ADAMTS19: variants seen among roughly 807,000 people sequenced by gnomAD.
ADAMTS19 encodes the protein A disintegrin and metalloproteinase with thrombospondin motifs 19.
Under a neutral mutation model 153.3 loss-of-function variants are expected in ADAMTS19, and 93 were observed. The observed-to-expected ratio is 0.61, with a 90% CI of 0.51 to 0.72. The LOEUF (loss-of-function observed/expected upper bound fraction) is 0.72, where lower values mean the gene tolerates loss of function less well. Ranked by LOEUF, ADAMTS19 falls within the 30% of genes least tolerant of loss-of-function variation. The probability of loss-of-function intolerance (pLI) is 0.00; values close to 1 mark genes in which losing one functional copy is unlikely to be tolerated. For synonymous variants in ADAMTS19, 600 were observed against 556.6 expected (o/e 1.08, Z -1.10); for missense variants, 1,482 against 1,552.1 (o/e 0.95, Z 0.76).
chr5:129,666,701 A>G (rs1365367209), intron 16 of ADAMTS19, among the ~76,000 whole-genome samples: 2 of 152,212 alleles, frequency 1.3e-5, no homozygotes, highest in African/African-American at 4.8e-5. Flanking sequence ...TATTTAATCT[A>G]TTTTACTTAC....
chr5:129,605,508 G>T (rs1750849487), intron 8 of ADAMTS19, among the ~76,000 whole-genome samples: 1 of 152,224 alleles, frequency 6.6e-6, no homozygotes, highest in Admixed American at 6.5e-5. Flanking sequence ...TCAGGGTTCA[G>T]TGAGGCCTTT....
At chr5:129,563,515 G>A (rs902540421) in intron 7 of ADAMTS19, among the ~76,000 whole-genome samples, 12 of 152,200 alleles carry the variant, frequency 7.9e-5, no homozygotes, top group Admixed American at 6.5e-4. Flanking sequence ...CCAATATCAA[G>A]CTCTATGATG....
intron 2 of ADAMTS19, among the ~76,000 whole-genome samples, chr5:129,467,099 T>G (rs1215971283): frequency 6.6e-6 from 1 of 152,226 alleles, no homozygotes; most frequent in African/African-American, 2.4e-5. Context: ...AATTATACAA[T>G]TACAGAATGT....
intron 13 of ADAMTS19, among the ~76,000 whole-genome samples, chr5:129,651,313 T>C (rs1753305108): frequency 6.6e-6 from 1 of 152,216 alleles, no homozygotes; most frequent in South Asian, 2.1e-4. Context: ...CTCATGATCA[T>C]AACCCTTCCT....
chr5:129,718,180 T>C (rs1015798033), intron 21 of ADAMTS19, among the ~76,000 whole-genome samples: 1 of 152,164 alleles, frequency 6.6e-6, no homozygotes, highest in Admixed American at 6.5e-5. Flanking sequence ...CACTTTGATT[T>C]AAAACACATT....
At chr5:129,588,748 T>C (rs1000262224) in intron 7 of ADAMTS19, among the ~76,000 whole-genome samples, 1 of 151,802 alleles carries the variant, frequency 6.6e-6, no homozygotes, top group Non-Finnish European at 1.5e-5. Context: ...ATTTGGTGAT[T>C]CTTTGTTGTT....
chr5:129,589,569 T>C (rs995751103), intron 7 of ADAMTS19, among the ~76,000 whole-genome samples: 2 of 152,074 alleles, frequency 1.3e-5, no homozygotes, highest in African/African-American at 2.4e-5. Context: ...ACACCAATAA[T>C]TGTATATGAA....
At chr5:129,595,235 A>G (rs2126917323) in intron 7 of ADAMTS19, among the ~76,000 whole-genome samples, 1 of 152,076 alleles carries the variant, frequency 6.6e-6, no homozygotes, top group Non-Finnish European at 1.5e-5. Flanking sequence ...GCTAATCTCC[A>G]TTTTCAACCC....
At chr5:129,546,401 AAAAG>A (rs1289088958) in intron 6 of ADAMTS19, among the ~76,000 whole-genome samples, 1 of 151,000 alleles carries the variant, frequency 6.6e-6, no homozygotes, top group Non-Finnish European at 1.5e-5. Flanking sequence ...AAAATTAAAA[AAAAG>A]AGAAGATAAA....
intron 21 of ADAMTS19, among the ~76,000 whole-genome samples, chr5:129,721,594 T>A (rs188111298): frequency 1.2e-4 from 18 of 152,122 alleles, no homozygotes; most frequent in African/African-American, 4.1e-4. Flanking sequence ...GGTCTTTTTT[T>A]TTTATTTATT....
intron 2 of ADAMTS19, among the ~76,000 whole-genome samples, chr5:129,471,428 G>T: frequency 7.2e-6 from 1 of 139,420 alleles, no homozygotes; most frequent in African/African-American, 3.0e-5. Context: ...GGGAGGAAAA[G>T]AAAGGAAGGA....
intron 7 of ADAMTS19, among the ~76,000 whole-genome samples, chr5:129,555,810 T>G (rs1753292338): frequency 6.6e-6 from 1 of 152,260 alleles, no homozygotes; most frequent in Non-Finnish European, 1.5e-5. Context: ...ATACAATAGA[T>G]AAAAATACAA....
chr5:129,623,984 G>A (rs1371461015), intron 10 of ADAMTS19, among the ~76,000 whole-genome samples: 3 of 151,530 alleles, frequency 2.0e-5, no homozygotes, highest in Non-Finnish European at 4.4e-5. Context: ...AAAATTAGCT[G>A]GGCATGGTGG....
chr5:129,606,189 C>T (rs189797545), intron 8 of ADAMTS19, among the ~76,000 whole-genome samples: 12 of 152,254 alleles, frequency 7.9e-5, no homozygotes, highest in East Asian at 1.9e-4. Context: ...AGAATACAGA[C>T]GTCTTGTGAC....
chr5:129,528,506 C>G lies in ADAMTS19; in HGVS notation c.1171-14C>G, dbSNP rs577379260. ...AGAATAATATGCCTTGTGATGAGCT[C>G]TGTTCTTTTGCAGCCAGAACTATAT... is the stretch of plus-strand genomic sequence containing the variant. On this transcript the variant is annotated splice_polypyrimidine_tract_variant and intron_variant, in intron 5 of 22. Coordinates refer to ENST00000274487, the MANE Select transcript of ADAMTS19 (RefSeq NM_133638.6). 39 of 1,559,882 alleles carry G rather than the reference C, an allele frequency of 2.5e-5. No homozygotes were observed. In the African/African-American group the frequency reaches 4.3e-4, roughly 17 times the overall value.
chr5:129,474,227 C>G (rs1750153826), intron 2 of ADAMTS19, among the ~76,000 whole-genome samples: 1 of 152,096 alleles, frequency 6.6e-6, no homozygotes, highest in South Asian at 2.1e-4. Flanking sequence ...TAGCACGTAT[C>G]AGTAGTTCAT....
chr5:129,530,093 C>T (rs1044080228), intron 6 of ADAMTS19, among the ~76,000 whole-genome samples: 1 of 152,108 alleles, frequency 6.6e-6, no homozygotes, highest in Non-Finnish European at 1.5e-5. Context: ...CCTCCTAAAA[C>T]AGCTGTAAGC....
At chr5:129,727,047 C>A (rs1045964441) in intron 21 of ADAMTS19, among the ~76,000 whole-genome samples, 1 of 152,064 alleles carries the variant, frequency 6.6e-6, no homozygotes, top group African/African-American at 2.4e-5. Flanking sequence ...GAAATACATG[C>A]CTCACACTTT....
At chr5:129,504,628 A>C (rs1751209302) in intron 2 of ADAMTS19, among the ~76,000 whole-genome samples, 3 of 152,030 alleles carry the variant, frequency 2.0e-5, no homozygotes, top group Non-Finnish European at 4.4e-5. Flanking sequence ...GTCTAACTGA[A>C]ATTTTGGATC....
Sources: allele counts gnomAD v4.1 joint callset (sites outside exome capture counted in the v4.1 genomes callset), GRCh38; gene constraint gnomAD v4.1.1; transcripts MANE v1.5; gene names NCBI Gene and HGNC (gene_info 2026-07-23, HGNC 2026-07-21).